ZNF76: variants seen among roughly 807,000 people sequenced by gnomAD.
The protein encoded by ZNF76 is zinc finger protein 523.
A neutral mutation model predicts 66.9 loss-of-function variants in ZNF76; 66 were observed. That is an observed-to-expected ratio of 0.99 (90% CI 0.81 to 1.21). The LOEUF (loss-of-function observed/expected upper bound fraction) is 1.21, where lower values mean the gene tolerates loss of function less well. ZNF76 is among the 50% of genes most tolerant of loss of function. The probability of loss-of-function intolerance (pLI) is 0.00; values close to 1 mark genes in which losing one functional copy is unlikely to be tolerated. For missense variants in ZNF76, 729 were observed against 760.3 expected (o/e 0.96, Z 0.48); for synonymous variants, 275 against 296.1 (o/e 0.93, Z 0.73).
At chr6:35,286,624 G>A in intron 4 of ZNF76, 1 of 600,322 alleles carries the variant, frequency 1.7e-6, no homozygotes, top group South Asian at 1.9e-5. Context: ...TTGGAGATCA[G>A]TGACGTGGAC....
At chr6:35,265,399 C>T (rs939388398) in intron 1 of ZNF76, among the ~76,000 whole-genome samples, 2 of 151,382 alleles carry the variant, frequency 1.3e-5, no homozygotes, top group Non-Finnish European at 2.9e-5. Context: ...CCCAGCTACT[C>T]GGGAGGCTGA....
intron 5 of ZNF76, among the ~76,000 whole-genome samples, chr6:35,288,959 A>T: frequency 6.6e-6 from 1 of 151,936 alleles, no homozygotes. Flanking sequence ...TAAAAAAAAA[A>T]AAAAAAAAAA....
chr6:35,295,046 GGA>G (rs1328919708), intron 13 of ZNF76, 96 bp from the exon 14 acceptor site: 27 of 865,104 alleles, frequency 3.1e-5, no homozygotes, highest in Non-Finnish European at 4.7e-5. Flanking sequence ...GGTAGATGGG[GGA>G]GAGTCAAAAA....
intron 1 of ZNF76, among the ~76,000 whole-genome samples, chr6:35,273,335 G>C (rs1305936647): frequency 6.6e-6 from 1 of 150,414 alleles, no homozygotes. Context: ...ACCACACCTG[G>C]CTAATTTTCG....
intron 1 of ZNF76, among the ~76,000 whole-genome samples, chr6:35,278,191 G>A (rs1332284061): frequency 1.3e-5 from 2 of 150,954 alleles, no homozygotes; most frequent in African/African-American, 4.9e-5. Flanking sequence ...TTTTTGAGAC[G>A]GAGTTTCGCT....
intron 1 of ZNF76, among the ~76,000 whole-genome samples, chr6:35,264,136 AG>A (rs1333133726): frequency 6.6e-6 from 1 of 152,218 alleles, no homozygotes; most frequent in Non-Finnish European, 1.5e-5. Flanking sequence ...TAACTCACTC[AG>A]AAATTCTGCA....
In ZNF76 at chr6:35,286,029, G is replaced by A. The variant is rs79417302; in HGVS notation, c.74-99G>A. On this transcript the variant is annotated intron_variant, in intron 2 of 13. Transcript: ENST00000373953. ...TACCCATGCTTAGACCTGCAGGCTC[G>A]TGCCTAGAGACTCAAATAAGCCTCA... 1,769 of 1,092,358 alleles carry A rather than the reference G, an allele frequency of 1.6e-3. 36 individuals are homozygous for A. In the East Asian group the frequency reaches 0.032, roughly 20 times the overall value. 67.7% of individuals were successfully genotyped at this position (1,092,358 alleles called of 1,614,324 possible).
chr6:35,291,650 G>T lies in ZNF76; in HGVS notation c.844G>T (p.Glu282Ter), dbSNP rs770660658. 1 of 1,613,934 alleles carries T rather than the reference G, an allele frequency of 6.2e-7. No homozygotes were observed. Among genetic ancestry groups the T allele is most frequent in the Non-Finnish European group, 8.5e-7 (1 of 1,179,970 alleles). The change falls in exon 9 of 14, where the codon GAG becomes TAG. Residue 282 changes from glutamate (E) to a stop codon, truncating the protein, a stop_gained. Coordinates refer to ENST00000373953, the MANE Select transcript of ZNF76 (RefSeq NM_003427.5). LOFTEE classifies it high-confidence loss of function. ...RKVHVRTHTG[E>*]RPYTCPEPHC... ...GGTACATGTGCGCACCCACACAGGC[G>T]AGAGGCCCTACACCTGCCCGGAGCC...
intron 2 of ZNF76, among the ~76,000 whole-genome samples, chr6:35,282,300 C>T (rs1788883990): frequency 6.7e-6 from 1 of 148,614 alleles, no homozygotes; most frequent in South Asian, 2.1e-4. Context: ...AGCAAGACCC[C>T]ATCTAAAAAA....
At chr6:35,260,058 C>T (rs1784975214) in intron 1 of ZNF76, among the ~76,000 whole-genome samples, 1 of 151,802 alleles carries the variant, frequency 6.6e-6, no homozygotes, top group African/African-American at 2.4e-5. Flanking sequence ...CCAAACCTCA[C>T]CCCGTGACGG....
chr6:35,286,780 G>C (rs114389319), intron 4 of ZNF76: 1 of 300,744 alleles, frequency 3.3e-6, no homozygotes, highest in African/African-American at 2.1e-5. Context: ...TATTCCTTCC[G>C]CAGGTGGTTT....
chr6:35,273,180 C>CA (rs1042331668), intron 1 of ZNF76, among the ~76,000 whole-genome samples: 79 of 140,854 alleles, frequency 5.6e-4, no homozygotes, highest in East Asian at 3.6e-3. Flanking sequence ...AAACAAAAAA[C>CA]AAAAAAAAAA....
chr6:35,291,314 G>T lies in ZNF76; in HGVS notation c.662G>T (p.Gly221Val), dbSNP rs759006880. 52 of 1,613,592 alleles carry T rather than the reference G, an allele frequency of 3.2e-5. No homozygotes were observed. The highest frequency in any genetic ancestry group is 4.2e-5 in the Non-Finnish European group (49 of 1,179,796). Residue 221 changes from glycine to valine, a missense_variant, in exon 8 of 14, where the codon GGT (glycine) becomes GTT (valine). Gly to Val is a moderately radical substitution (Grantham distance 109). Coordinates refer to ENST00000373953, the MANE Select transcript of ZNF76 (RefSeq NM_003427.5). Reference sequence around the variant, plus strand: ...AAGAGCCACGTTCGTACCCACACTGGTGAGAAACCATACAAGTGCCCAGAG... The same window carrying T: ...AAGAGCCACGTTCGTACCCACACTGTTGAGAAACCATACAAGTGCCCAGAG... Reference protein sequence around the residue: ...GLKSHVRTHTGEKPYKCPEEL... With the variant: ...GLKSHVRTHTVEKPYKCPEEL...
rs746078563 is a variant in ZNF76, at chr6:35,286,130, G to A, written c.76G>A (p.Glu26Lys). ...TAYVQQAVKG[E>K]KLLEGQVIQL... ...CTCTCTATTTCCACTCTTAACAGGAGAGAAGCTTCTTGAAGGGCAGGTGAT... is the reference window on the plus strand; with the variant it reads ...CTCTCTATTTCCACTCTTAACAGGAAAGAAGCTTCTTGAAGGGCAGGTGAT... The change falls in exon 3 of 14, where the codon GAG becomes AAG. Residue 26 changes from glutamate (E) to lysine (K), a missense_variant and splice_region_variant. Glu to Lys is a moderately conservative substitution (Grantham distance 56). Transcript: ENST00000373953. The A allele has an allele frequency of 6.2e-7, 1 of 1,613,996 alleles. No individual in the cohort carries two copies. The highest frequency in any genetic ancestry group is 1.3e-5 in the African/African-American group (1 of 74,926).
intron 1 of ZNF76, among the ~76,000 whole-genome samples, chr6:35,269,138 G>A (rs2006184): frequency 0.68 from 102,712 of 151,614 alleles, 37,934 homozygotes; most frequent in Non-Finnish European, 0.82. Context: ...AAAATTTGCC[G>A]GGCATGGTGG....
chr6:35,269,223 G>A (rs2150343385), intron 1 of ZNF76, among the ~76,000 whole-genome samples: 1 of 146,798 alleles, frequency 6.8e-6, no homozygotes, highest in South Asian at 2.2e-4. Flanking sequence ...GGAGGTTGTG[G>A]TGAGCTAAGA....
Position 35,281,209 on chromosome 6 carries a change from C to G in ZNF76, c.58C>G (p.Gln20Glu). 1 of 1,613,764 alleles carries G rather than the reference C, an allele frequency of 6.2e-7. No homozygotes were observed. Among genetic ancestry groups the G allele is most frequent in the South Asian group, 1.1e-5 (1 of 91,060 alleles). Residue 20 changes from glutamine to glutamate, a missense_variant, in exon 2 of 14, where the codon CAG becomes GAG. Physicochemically the swap from Gln to Glu is conservative, Grantham distance 29. Coordinates refer to ENST00000373953, the MANE Select transcript of ZNF76 (RefSeq NM_003427.5). ...TAGTGATGGGACAACAGCCTACGTC[C>G]AGCAAGCTGTCAAAGGTAAGTATTT... ...TLSDGTTAYV[Q>E]QAVKGEKLLE...
chr6:35,281,100 G>C lies in ZNF76; in HGVS notation c.-52G>C, dbSNP rs1017834638. 2.8e-5 allele frequency: 44 copies of C among 1,567,448 alleles called. No homozygotes were observed. Among genetic ancestry groups the C allele is most frequent in the Non-Finnish European group, 3.6e-5 (41 of 1,137,894 alleles). ...ATCTCTGACCTCAGCTGTGGCTCTT[G>C]GTGCTGGCCAGAAGCCAACTTCATG... On this transcript the variant is annotated 5_prime_UTR_variant, in exon 2 of 14. Transcript: ENST00000373953.
chr6:35,284,620 C>CA (rs1789272919), intron 2 of ZNF76, among the ~76,000 whole-genome samples: 2 of 152,132 alleles, frequency 1.3e-5, no homozygotes, highest in Admixed American at 6.5e-5. Context: ...AGGCTGGTCT[C>CA]AAACTCCTGA....
Sources: allele counts gnomAD v4.1 joint callset (sites outside exome capture counted in the v4.1 genomes callset), GRCh38; gene constraint gnomAD v4.1.1; transcripts MANE v1.5; gene names NCBI Gene and HGNC (gene_info 2026-07-23, HGNC 2026-07-21).